The following AVL9 variants were observed in gnomAD, a reference collection of about 807,000 sequenced individuals.
AVL9 encodes late secretory pathway protein AVL9 homolog.
In AVL9, 49 loss-of-function variants were observed where a neutral mutation model predicts 79.2. The observed-to-expected ratio is 0.62, with a 90% CI of 0.49 to 0.79. The LOEUF is 0.79. Among genes scored for constraint, AVL9 ranks in the 30% least tolerant of loss-of-function variants. The probability of loss-of-function intolerance (pLI) is 0.00; values close to 1 mark genes in which losing one functional copy is unlikely to be tolerated. For missense variants in AVL9, 682 were observed against 776.8 expected, an observed-to-expected ratio of 0.88 and a Z score of 1.45; for synonymous variants, 299 against 280.6, an observed-to-expected ratio of 1.07 and a Z score of -0.65.
chr7:32,545,171 C>CAA, intron 3 of AVL9, among the ~76,000 whole-genome samples: 1 of 150,762 alleles, frequency 6.6e-6, no homozygotes, highest in Non-Finnish European at 1.5e-5. Flanking sequence ...CAGGGCCTTG[C>CAA]TATTTTGCCC....
intron 8 of AVL9, 119 bp downstream of exon 8, chr7:32,554,715 T>C (rs1176578114): frequency 8.4e-6 from 5 of 593,694 alleles, no homozygotes; most frequent in Middle Eastern, 5.2e-4. Context: ...TGCCTATCAT[T>C]GTGGTAAGCT....
At chr7:32,502,076 T>C (rs1299389032) in intron 1 of AVL9, among the ~76,000 whole-genome samples, 7 of 149,628 alleles carry the variant, frequency 4.7e-5, no homozygotes. Flanking sequence ...AAAAAAAATA[T>C]GTACTGGCCA....
intron 1 of AVL9, among the ~76,000 whole-genome samples, chr7:32,539,733 G>T (rs896137): frequency 0.33 from 49,925 of 152,052 alleles, 8,776 homozygotes; most frequent in East Asian, 0.48. Flanking sequence ...ATTCCGAAAT[G>T]GGTTTCACTG....
chr7:32,574,018 G>A (rs1341117841), intron 12 of AVL9, among the ~76,000 whole-genome samples: 1 of 152,134 alleles, frequency 6.6e-6, no homozygotes, highest in African/African-American at 2.4e-5. Context: ...TAGTGAAAAT[G>A]GAGCTCTGCA....
chr7:32,551,339 G>A lies in AVL9; in HGVS notation c.378G>A (p.Leu126=). 1.3e-6 allele frequency: 2 copies of A among 1,599,170 alleles called. No individual in the cohort carries two copies. The highest frequency in any genetic ancestry group is 1.7e-6 in the Non-Finnish European group (2 of 1,168,014). The change falls in exon 5 of 16, where the codon CTG becomes CTA. Residue 126 remains leucine (L), a synonymous_variant. Transcript: ENST00000318709. ...TTTCTCTTTTTTCCTTTAAGCCTCTGTATGGTTTACTTCAAGCAAAACTTC... is the reference window on the plus strand; with the variant it reads ...TTTCTCTTTTTTCCTTTAAGCCTCTATATGGTTTACTTCAAGCAAAACTTC... ...KSVCVLSKLP[L]YGLLQAKLQL... is the part of the protein sequence containing the mutation.
intron 3 of AVL9, among the ~76,000 whole-genome samples, chr7:32,546,562 C>A (rs1380099076): frequency 1.3e-5 from 2 of 152,142 alleles, no homozygotes; most frequent in Non-Finnish European, 2.9e-5. Context: ...GTGGCTCACA[C>A]CTGTAATCCT....
chr7:32,548,747 A>T (rs1789655023), intron 3 of AVL9, 100 bp from the exon 4 acceptor site: 2 of 801,874 alleles, frequency 2.5e-6, no homozygotes, highest in Non-Finnish European at 3.7e-6. Flanking sequence ...AACTGAATGT[A>T]AGAAATTTCT....
Position 32,544,681 on chromosome 7 carries a change from A to G in AVL9, c.215-13A>G, listed in dbSNP as rs371453613. ...TTCACCTCACTATTTACATTTTTCT[A>G]TGTATCTCTTAGATACTGTGTTTTT... On this transcript the variant is annotated splice_polypyrimidine_tract_variant and intron_variant, in intron 2 of 15. Coordinates refer to ENST00000318709, the MANE Select transcript of AVL9 (RefSeq NM_015060.3). 6.0e-5 allele frequency: 95 copies of G among 1,590,520 alleles called. 1 individual carries two copies. The South Asian group carries it at 7.3e-4, about 12-fold the overall frequency.
intron 1 of AVL9, among the ~76,000 whole-genome samples, chr7:32,511,709 A>C (rs1787682451): frequency 1.3e-5 from 2 of 152,018 alleles, no homozygotes; most frequent in East Asian, 3.9e-4. Flanking sequence ...AGCTGGGGGA[A>C]ACAGGTACGC....
rs1374115132 is a variant in AVL9, at chr7:32,543,182, T to C, written c.135T>C (p.His45=). The C allele has an allele frequency of 1.2e-6, 2 of 1,614,184 alleles. No individual in the cohort carries two copies. Among genetic ancestry groups the C allele is most frequent in the Non-Finnish European group, 8.5e-7 (1 of 1,180,026 alleles). The change falls in exon 2 of 16, where the codon CAT becomes CAC. Residue 45 remains histidine, a synonymous_variant. Transcript: ENST00000318709. ...CGCCCCTGATTCCAGGAGATGGACA[T>C]GACAGCCACACTTTACCTGAAGAAT... is the stretch of plus-strand genomic sequence containing the variant. ...SYPPLIPGDG[H]DSHTLPEEWK...
intron 10 of AVL9, among the ~76,000 whole-genome samples, chr7:32,560,262 AAAAAC>A (rs1790274816): frequency 1.4e-5 from 1 of 71,268 alleles, no homozygotes; most frequent in African/African-American, 3.9e-5. Flanking sequence ...ATTATTTTAA[AAAAAC>A]AACAAAGTGA....
intron 13 of AVL9, among the ~76,000 whole-genome samples, chr7:32,579,208 C>T (rs898795362): frequency 1.3e-4 from 18 of 141,770 alleles, no homozygotes; most frequent in African/African-American, 4.5e-4. Context: ...ATTTATTGAC[C>T]CCTCCATTTT....
Position 32,543,371 on chromosome 7 carries a change from T to C in AVL9, c.214+110T>C. The C allele has an allele frequency of 3.8e-6, 5 of 1,309,132 alleles. No individual in the cohort carries two copies. The South Asian group carries it at 5.8e-5, about 15-fold the overall frequency. 81.1% of individuals were successfully genotyped at this position (1,309,132 alleles called of 1,614,324 possible). A position where few individuals can be genotyped will look rare whatever the true frequency, so the allele number is the denominator to read the frequency against. ...AAAGGCCTTCAGCCTGTTAGAACTA[T>C]TTATAAAATATTTACATGCTTGTTT... On this transcript the variant is annotated intron_variant, in intron 2 of 15. Coordinates refer to ENST00000318709, the MANE Select transcript of AVL9 (RefSeq NM_015060.3).
At chr7:32,504,939 T>C (rs1203848300) in intron 1 of AVL9, among the ~76,000 whole-genome samples, 1 of 152,080 alleles carries the variant, frequency 6.6e-6, no homozygotes, top group Non-Finnish European at 1.5e-5. Flanking sequence ...GGTGGCATGA[T>C]CTCAGCTCGC....
At chr7:32,544,884 T>A (rs937997333) in intron 3 of AVL9, 105 bp downstream of exon 3, 1 of 767,796 alleles carries the variant, frequency 1.3e-6, no homozygotes, top group Non-Finnish European at 2.1e-6. Context: ...TTGTTTTAGA[T>A]TTTTGTATAC....
intron 1 of AVL9, among the ~76,000 whole-genome samples, chr7:32,526,948 C>G (rs1328568382): frequency 6.6e-6 from 1 of 152,166 alleles, no homozygotes; most frequent in African/African-American, 2.4e-5. Context: ...GCATCCCATC[C>G]TCCCAGTGTG....
chr7:32,502,903 T>C (rs956288164), intron 1 of AVL9, among the ~76,000 whole-genome samples: 3 of 152,202 alleles, frequency 2.0e-5, no homozygotes, highest in African/African-American at 4.8e-5. Flanking sequence ...GTCAATACTA[T>C]CCATAGTGAT....
chr7:32,579,480 TA>T (rs1791318853), intron 13 of AVL9, among the ~76,000 whole-genome samples: 1 of 8,588 alleles, frequency 1.2e-4, no homozygotes, highest in Admixed American at 3.3e-3. Flanking sequence ...TATTATATTA[TA>T]TATAATATAT....
chr7:32,530,060 A>G (rs1788581187), intron 1 of AVL9, among the ~76,000 whole-genome samples: 2 of 152,204 alleles, frequency 1.3e-5, no homozygotes, highest in South Asian at 2.1e-4. Flanking sequence ...GGTTATGACA[A>G]ATAAGACAAA....
Sources: allele counts gnomAD v4.1 joint callset (sites outside exome capture counted in the v4.1 genomes callset), GRCh38; gene constraint gnomAD v4.1.1; transcripts MANE v1.5; gene names NCBI Gene and HGNC (gene_info 2026-07-23, HGNC 2026-07-21).